The following CDC42SE2 variants were observed in gnomAD, a reference collection of about 807,000 sequenced individuals.
CDC42SE2 encodes the protein CDC42 small effector protein 2.
CDC42SE2 carries 3 observed loss-of-function variants against 11.5 expected under a neutral mutation model. The observed-to-expected ratio is 0.26, with a 90% CI of 0.12 to 0.67. The LOEUF (loss-of-function observed/expected upper bound fraction) is 0.67, where lower values mean the gene tolerates loss of function less well. Ranked by LOEUF, CDC42SE2 falls within the 30% of genes least tolerant of loss-of-function variation. The pLI, the probability that CDC42SE2 is intolerant of heterozygous loss-of-function variation, is 0.80. For synonymous variants in CDC42SE2, 33 were observed against 34.8 expected (o/e 0.95, Z 0.18); for missense variants, 82 against 106.8 (o/e 0.77, Z 1.02).
At chr5:131,287,822 T>C (rs569750567) in intron 1 of CDC42SE2, among the ~76,000 whole-genome samples, 1 of 152,342 alleles carries the variant, frequency 6.6e-6, no homozygotes, top group South Asian at 2.1e-4. Flanking sequence ...AGGTAAAATA[T>C]TGCCAATAGA....
At chr5:131,230,800 T>G in the CDC42SE2 span, among the ~76,000 whole-genome samples, 6 of 152,326 alleles carry the variant, frequency 3.9e-5, no homozygotes, top group African/African-American at 1.4e-4. Context: ...GGTTTATCGT[T>G]TGTTTACGTT....
At chr5:131,284,848 G>T (rs970026745) in intron 1 of CDC42SE2, among the ~76,000 whole-genome samples, 1 of 152,070 alleles carries the variant, frequency 6.6e-6, no homozygotes, top group Non-Finnish European at 1.5e-5. Context: ...CAAAGTAAAA[G>T]AATAGTTTTT....
At chr5:131,352,154 A>T (rs977439778) in intron 2 of CDC42SE2, among the ~76,000 whole-genome samples, 1 of 152,214 alleles carries the variant, frequency 6.6e-6, no homozygotes, top group South Asian at 2.1e-4. Context: ...AGTTGGTAGG[A>T]TAAGGAATAA....
chr5:131,292,582 A>C (rs1477493118), intron 1 of CDC42SE2, among the ~76,000 whole-genome samples: 2 of 148,850 alleles, frequency 1.3e-5, no homozygotes, highest in African/African-American at 5.0e-5. Flanking sequence ...AAAACAAAAA[A>C]CAAAAAACTT....
chr5:131,272,521 A>C (rs149361696), intron 1 of CDC42SE2, among the ~76,000 whole-genome samples: 138 of 151,952 alleles, frequency 9.1e-4, no homozygotes, highest in African/African-American at 3.3e-3. Context: ...TGCCTTTCCT[A>C]CTATTCTGTC....
chr5:131,369,815 C>A (rs575823645), intron 3 of CDC42SE2, among the ~76,000 whole-genome samples: 1 of 152,292 alleles, frequency 6.6e-6, no homozygotes, highest in Non-Finnish European at 1.5e-5. Flanking sequence ...CAGTGTAAGA[C>A]TAATTATTTC....
rs373744699 is a variant in CDC42SE2 at position 131,359,562 on chromosome 5, T to C, written c.54+15T>C. The C allele has an allele frequency of 2.5e-6, 4 of 1,597,710 alleles. No individual in the cohort carries two copies. Reference sequence around the variant, plus strand: ...AGCCTCAGCCTGTAAGTATGAAGTATGTGGACACATCAGGTGGGGTGCTTA... The same window carrying C: ...AGCCTCAGCCTGTAAGTATGAAGTACGTGGACACATCAGGTGGGGTGCTTA... On this transcript the variant is annotated intron_variant, in intron 3 of 4. Coordinates refer to ENST00000505065, the MANE Select transcript of CDC42SE2 (RefSeq NM_001375635.1).
chr5:131,313,999 T>C (rs1189650361), intron 1 of CDC42SE2, among the ~76,000 whole-genome samples: 1 of 151,878 alleles, frequency 6.6e-6, no homozygotes, highest in Non-Finnish European at 1.5e-5. Context: ...GACTAAACTG[T>C]AGGATTTTAG....
At chr5:131,212,472 G>T in the CDC42SE2 span, among the ~76,000 whole-genome samples, 2 of 152,024 alleles carry the variant, frequency 1.3e-5, no homozygotes, top group Admixed American at 6.6e-5. Context: ...CTGGAACCTT[G>T]CTGTCCTTAG....
chr5:131,274,069 C>T (rs954933973), intron 1 of CDC42SE2, among the ~76,000 whole-genome samples: 1 of 152,160 alleles, frequency 6.6e-6, no homozygotes, highest in African/African-American at 2.4e-5. Flanking sequence ...TGCGCCCAGC[C>T]TAGAATTATA....
chr5:131,263,901 G>C (rs1756789149), upstream of CDC42SE2: 1 of 152,246 alleles, frequency 6.6e-6, no homozygotes, highest in Non-Finnish European at 1.5e-5. Context: ...CATGCCGGAG[G>C]TACGGCGGGG....
chr5:131,282,769 C>T (rs1757263484), intron 1 of CDC42SE2, among the ~76,000 whole-genome samples: 1 of 151,352 alleles, frequency 6.6e-6, no homozygotes, highest in South Asian at 2.1e-4. Flanking sequence ...GCTGGGACTA[C>T]AGGTGCCCGC....
At chr5:131,361,690 GA>G in intron 3 of CDC42SE2, among the ~76,000 whole-genome samples, 1 of 152,168 alleles carries the variant, frequency 6.6e-6, no homozygotes, top group East Asian at 1.9e-4. Context: ...CTTGGAGAAG[GA>G]GTGCAAAGTT....
chr5:131,282,915 C>T (rs1757266980), intron 1 of CDC42SE2, among the ~76,000 whole-genome samples: 1 of 149,378 alleles, frequency 6.7e-6, no homozygotes, highest in African/African-American at 2.5e-5. Context: ...AAGTGTGAGC[C>T]ACTGCACCTG....
chr5:131,267,810 CTCA>C (rs1252224334), intron 1 of CDC42SE2, among the ~76,000 whole-genome samples: 2 of 151,966 alleles, frequency 1.3e-5, no homozygotes, highest in East Asian at 3.8e-4. Flanking sequence ...ATTTAGGTTC[CTCA>C]TCTGCTTTAA....
intron 3 of CDC42SE2, among the ~76,000 whole-genome samples, chr5:131,376,146 C>T (rs187823584): frequency 3.3e-5 from 5 of 151,798 alleles, no homozygotes; most frequent in Non-Finnish European, 7.4e-5. Context: ...GGCTGAGACA[C>T]GAGAATCGCT....
In CDC42SE2 at chr5:131,393,906, C is replaced by T. The variant is rs1750763309; in HGVS notation, c.*2815C>T. The stretch of plus-strand genomic sequence containing the variant: ...CATGGTAAGCCAAAAGTGGACTTGT[C>T]AGCCTATAACTACTCTGCAGCTGCC... On this transcript the variant is annotated 3_prime_UTR_variant, in exon 5 of 5. Transcript: ENST00000505065. 1 of 132,500 alleles carries T rather than the reference C, an allele frequency of 7.5e-6. No homozygotes were observed. Among genetic ancestry groups the T allele is most frequent in the Non-Finnish European group, 1.5e-5 (1 of 65,730 alleles). 8.2% of individuals were successfully genotyped at this position (132,500 alleles called of 1,614,324 possible).
At chr5:131,319,005 G>A (rs144327530) in intron 2 of CDC42SE2, among the ~76,000 whole-genome samples, 53 of 152,156 alleles carry the variant, frequency 3.5e-4, no homozygotes, top group Admixed American at 1.2e-3. Context: ...GGGTTCAAGC[G>A]ATTCTCCTGC....
intron 1 of CDC42SE2, among the ~76,000 whole-genome samples, chr5:131,254,470 A>G (rs2149684244): frequency 6.6e-6 from 1 of 151,714 alleles, no homozygotes. Flanking sequence ...TGACCCCAGG[A>G]GGCGGAGGTT....
Sources: allele counts gnomAD v4.1 joint callset (sites outside exome capture counted in the v4.1 genomes callset), GRCh38; gene constraint gnomAD v4.1.1; transcripts MANE v1.5; gene names NCBI Gene and HGNC (gene_info 2026-07-23, HGNC 2026-07-21).